The following GRID1 variants were observed in gnomAD, a reference collection of about 807,000 sequenced individuals.
GRID1 encodes glutamate receptor ionotropic, delta-1.
Under a neutral mutation model 98.0 loss-of-function variants are expected in GRID1, and 28 were observed. The ratio of observed to expected loss-of-function variants is 0.29; its 90% CI spans 0.21 to 0.39. The LOEUF (loss-of-function observed/expected upper bound fraction) is 0.39, where lower values mean the gene tolerates loss of function less well. GRID1 is among the 10% of genes least tolerant of loss of function. GRID1 has a pLI of 1.00. For synonymous variants in GRID1, 553 were observed against 538.5 expected (o/e 1.03, Z -0.37); for missense variants, 1,111 against 1,340.5 (o/e 0.83, Z 2.67).
chr10:86,360,725 T>C (rs1406574549), intron 2 of GRID1, among the ~76,000 whole-genome samples: 1 of 152,226 alleles, frequency 6.6e-6, no homozygotes, highest in Non-Finnish European at 1.5e-5. Flanking sequence ...TCTCATCTCA[T>C]TTAATCCTCA....
chr10:85,876,073 A>G (rs1326693095), intron 5 of GRID1, among the ~76,000 whole-genome samples: 7 of 152,226 alleles, frequency 4.6e-5, no homozygotes, highest in Non-Finnish European at 2.9e-5. Context: ...TTAGACATGG[A>G]AAGTAATATG....
chr10:85,826,721 C>T (rs975644169), intron 8 of GRID1, among the ~76,000 whole-genome samples: 1 of 152,144 alleles, frequency 6.6e-6, no homozygotes, highest in Non-Finnish European at 1.5e-5. Flanking sequence ...GCCAGCATCT[C>T]CCATCAGATC....
At chr10:86,353,804 G>A (rs184684825) in intron 2 of GRID1, among the ~76,000 whole-genome samples, 51 of 152,336 alleles carry the variant, frequency 3.3e-4, no homozygotes, top group Admixed American at 2.9e-3. Context: ...AGGTACCCTG[G>A]GAGCCTCCTG....
intron 3 of GRID1, among the ~76,000 whole-genome samples, chr10:86,143,409 T>TCTG (rs1255172126): frequency 6.6e-6 from 1 of 152,010 alleles, no homozygotes; most frequent in Admixed American, 6.6e-5. Flanking sequence ...AACCTGACTG[T>TCTG]CTGCTGCTGC....
intron 4 of GRID1, among the ~76,000 whole-genome samples, chr10:86,051,042 C>T (rs183499402): frequency 9.2e-5 from 14 of 151,518 alleles, no homozygotes; most frequent in African/African-American, 3.4e-4. Context: ...TGCGCCATTG[C>T]ACTCCAGCCT....
intron 5 of GRID1, among the ~76,000 whole-genome samples, chr10:85,909,698 G>C (rs1197523813): frequency 6.6e-6 from 1 of 152,104 alleles, no homozygotes; most frequent in Non-Finnish European, 1.5e-5. Flanking sequence ...AAAACGCAAA[G>C]ATACAAATAA....
intron 2 of GRID1, among the ~76,000 whole-genome samples, chr10:86,334,245 G>A (rs1204919722): frequency 6.6e-6 from 1 of 152,108 alleles, no homozygotes; most frequent in Non-Finnish European, 1.5e-5. Flanking sequence ...ATAATTAGGT[G>A]GTGAGAGTAT....
chr10:86,292,233 C>CCCTGATT (rs1847525257), intron 2 of GRID1, among the ~76,000 whole-genome samples: 1 of 152,272 alleles, frequency 6.6e-6, no homozygotes. Flanking sequence ...CTGCCTCCAG[C>CCCTGATT]CCTGCTTCCT....
At chr10:85,817,341 A>C (rs1021011819) in intron 8 of GRID1, among the ~76,000 whole-genome samples, 14 of 150,614 alleles carry the variant, frequency 9.3e-5, no homozygotes, top group African/African-American at 3.4e-4. Flanking sequence ...CAGCCTGGGA[A>C]ACACAGTGAG....
intron 4 of GRID1, among the ~76,000 whole-genome samples, chr10:86,062,901 G>A (rs763967891): frequency 1.5e-4 from 23 of 152,184 alleles, no homozygotes; most frequent in Non-Finnish European, 2.9e-4. Flanking sequence ...CCTCACTATC[G>A]CTCACTGGGG....
intron 8 of GRID1, among the ~76,000 whole-genome samples, chr10:85,801,111 G>C (rs947155342): frequency 2.0e-5 from 3 of 151,916 alleles, no homozygotes; most frequent in Non-Finnish European, 4.4e-5. Flanking sequence ...TAAAATATGA[G>C]AGAATATTAT....
intron 8 of GRID1, among the ~76,000 whole-genome samples, chr10:85,797,263 T>A (rs1311793544): frequency 2.0e-5 from 3 of 152,090 alleles, no homozygotes; most frequent in Non-Finnish European, 4.4e-5. Context: ...TTTTTAGATA[T>A]ATGGGGTATG....
intron 3 of GRID1, among the ~76,000 whole-genome samples, chr10:86,175,153 G>A (rs1373954119): frequency 1.3e-5 from 2 of 152,172 alleles, no homozygotes; most frequent in East Asian, 1.9e-4. Flanking sequence ...GTGAATATGC[G>A]TGGCAGGGGA....
intron 3 of GRID1, among the ~76,000 whole-genome samples, chr10:86,159,541 T>C (rs1216072429): frequency 1.3e-5 from 2 of 150,240 alleles, no homozygotes; most frequent in African/African-American, 4.9e-5. Context: ...CTGTACCCTC[T>C]AGGTCTGTGT....
intron 4 of GRID1, among the ~76,000 whole-genome samples, chr10:85,974,249 G>A (rs564095328): frequency 1.3e-5 from 2 of 151,956 alleles, no homozygotes; most frequent in African/African-American, 4.8e-5. Flanking sequence ...AATACCGAGG[G>A]AAAGTCACAC....
In GRID1 at chr10:85,599,919, T is replaced by TCACA. The variant is rs367915080; in HGVS notation, c.*2350_*2353dup. 0.16 allele frequency: 20,851 copies of TCACA among 131,208 alleles called. 1,654 individuals are homozygous for TCACA. Among genetic ancestry groups the TCACA allele is most frequent in the South Asian group, 0.19 (757 of 4,048 alleles). 8.1% of individuals were successfully genotyped at this position (131,208 alleles called of 1,614,324 possible). ...GTCTCTCTCTCTCTCTCTCTCTCTC[T>TCACA]CACACACACACACACACACAAACAC... On this transcript the variant is annotated 3_prime_UTR_variant, in exon 16 of 16. Coordinates refer to ENST00000327946, the MANE Select transcript of GRID1 (RefSeq NM_017551.3).
At chr10:85,819,967 G>GAGGAAGGAAGGAAGGA (rs544578610) in intron 8 of GRID1, among the ~76,000 whole-genome samples, 19 of 88,440 alleles carry the variant, frequency 2.1e-4, no homozygotes, top group East Asian at 6.6e-4. Context: ...GAGAAAGAGA[G>GAGGAAGGAAGGAAGGA]AGGAAGGAAG....
intron 12 of GRID1, among the ~76,000 whole-genome samples, chr10:85,693,113 G>A (rs1181949381): frequency 6.6e-6 from 1 of 152,126 alleles, no homozygotes; most frequent in African/African-American, 2.4e-5. Flanking sequence ...TAAGTCAGGA[G>A]GTTGGTATAA....
intron 3 of GRID1, among the ~76,000 whole-genome samples, chr10:86,155,482 A>G (rs938407072): frequency 6.6e-6 from 1 of 152,242 alleles, no homozygotes; most frequent in Non-Finnish European, 1.5e-5. Context: ...GGAAATGAAC[A>G]CCCCAGAAAG....
Sources: allele counts gnomAD v4.1 joint callset (sites outside exome capture counted in the v4.1 genomes callset), GRCh38; gene constraint gnomAD v4.1.1; transcripts MANE v1.5; gene names NCBI Gene and HGNC (gene_info 2026-07-23, HGNC 2026-07-21).